The following OGFOD1 variants were observed in gnomAD, a reference collection of about 807,000 sequenced individuals.
OGFOD1 encodes 2-oxoglutarate and iron dependent oxygenase domain containing 1.
In OGFOD1, 54 loss-of-function variants were observed where a neutral mutation model predicts 67.7. That is an observed-to-expected ratio of 0.80 (90% confidence interval 0.64 to 1.00). The LOEUF is 1.00. Among genes scored for constraint, OGFOD1 ranks in the 50% least tolerant of loss-of-function variants. The probability of loss-of-function intolerance (pLI) is 0.00; values close to 1 mark genes in which losing one functional copy is unlikely to be tolerated. For synonymous variants in OGFOD1, 221 were observed against 227.0 expected (o/e 0.97, Z 0.24); for missense variants, 606 against 646.7 (o/e 0.94, Z 0.68).
At chr16:56,471,626 AC>A (rs1963190141) in intron 10 of OGFOD1, among the ~76,000 whole-genome samples, 2 of 152,338 alleles carry the variant, frequency 1.3e-5, no homozygotes, top group South Asian at 4.1e-4. Context: ...TTTCTTGAGA[AC>A]CCTGTGCAGT....
rs112964208 is a variant in OGFOD1 at position 56,458,830 on chromosome 16, A to G, written c.347+236A>G. 2.0e-4 allele frequency: 100 copies of G among 492,378 alleles called. 2 individuals carry two copies. Among genetic ancestry groups the G allele is most frequent in the African/African-American group, 1.7e-3 (87 of 51,638 alleles). The allele number at this position is 492,378 out of a possible 1,614,324, so 30.5% of individuals were successfully genotyped here. A position where few individuals can be genotyped will look rare whatever the true frequency, so the allele number is the denominator to read the frequency against. On this transcript the variant is annotated intron_variant, in intron 3 of 12. Coordinates refer to ENST00000566157, the MANE Select transcript of OGFOD1 (RefSeq NM_018233.4). ...CAAGTTCTCAGTGATAAAATGCTCA[A>G]TCTTGTTAGTAATCAAGGAAACAGA... is the stretch of plus-strand genomic sequence containing the variant.
intron 8 of OGFOD1, 28 bp from the exon 9 acceptor site, chr16:56,469,975 A>G (rs751961610): frequency 1.9e-6 from 3 of 1,606,800 alleles, no homozygotes; most frequent in South Asian, 2.2e-5. Context: ...AGATCTGCTG[A>G]ATGCTTCTTT....
chr16:56,458,557 T>A lies in OGFOD1; in HGVS notation c.310T>A (p.Leu104Met), dbSNP rs144257152. The change falls in exon 3 of 13, where the codon TTG (leucine) becomes ATG (methionine). Residue 104 changes from leucine to methionine, a missense_variant. Physicochemically the swap from Leu to Met is conservative, Grantham distance 15. Transcript: ENST00000566157. ...TATTTTCATGATCAAGTCTGATGAT[T>A]TGAAGAAGAGAAGAGAGCCTCACAT... ...DLYKFQQSDD[L>M]KKRREPHIST... 3.9e-4 allele frequency: 633 copies of A among 1,613,520 alleles called. No homozygotes were observed. The highest frequency in any genetic ancestry group is 5.1e-4 in the Non-Finnish European group (603 of 1,179,562).
chr16:56,466,143 C>T lies in OGFOD1; in HGVS notation c.449-9C>T, dbSNP rs756524274. Reference sequence around the variant, plus strand: ...GCAGGGATCTAAGGTGTCCATTAAACTATTGCAGATGCCCTGCTGTGCCAT... The same window carrying T: ...GCAGGGATCTAAGGTGTCCATTAAATTATTGCAGATGCCCTGCTGTGCCAT... On this transcript the variant is annotated splice_polypyrimidine_tract_variant and intron_variant, in intron 4 of 12. Coordinates refer to ENST00000566157, the MANE Select transcript of OGFOD1 (RefSeq NM_018233.4). 2.6e-5 allele frequency: 42 copies of T among 1,607,042 alleles called. No individual in the cohort carries two copies. The highest frequency in any genetic ancestry group is 3.5e-5 in the Non-Finnish European group (41 of 1,173,658).
chr16:56,470,526 A>G lies in OGFOD1; in HGVS notation c.1020A>G (p.Ile340Met). ...EKAEESKLPE[I>M]LKECMKLFRS... The stretch of plus-strand genomic sequence containing the variant: ...CTGAGGAGAGTAAGCTTCCTGAGAT[A>G]TTGAAGGAGTGCATGAAGTTATTTC... Residue 340 changes from isoleucine (I) to methionine (M), a missense_variant, in exon 10 of 13, where the codon ATA becomes ATG. Transcript: ENST00000566157. The G allele has an allele frequency of 6.2e-7, 1 of 1,613,886 alleles. No homozygotes were observed. Among genetic ancestry groups the G allele is most frequent in the Non-Finnish European group, 8.5e-7 (1 of 1,179,970 alleles).
chr16:56,476,180 A>C lies in OGFOD1; in HGVS notation c.1604A>C (p.Asp535Ala). 6.2e-7 allele frequency: 1 copy of C among 1,612,288 alleles called. No individual in the cohort carries two copies. Among genetic ancestry groups the C allele is most frequent in the Non-Finnish European group, 8.5e-7 (1 of 1,179,860 alleles). Reference protein sequence around the residue: ...KTFPNRTGFWDFSFIYYE With the variant: ...KTFPNRTGFWAFSFIYYE ...TTCCCAAACAGAACAGGTTTCTGGG[A>C]CTTTTCATTCATCTATTATGAATGA... The change falls in exon 13 of 13, where the codon GAC (aspartate) becomes GCC (alanine). Residue 535 changes from aspartate to alanine, a missense_variant. Physicochemically the swap from Asp to Ala is moderately radical, Grantham distance 126 (BLOSUM62 -2). Transcript: ENST00000566157.
In OGFOD1 at chr16:56,470,667, C is replaced by A; in HGVS notation, c.1161C>A (p.Ile387=). Reference sequence around the variant, plus strand: ...AAAAAGAGGCAGAAACCACTGATATCACTGAAGAAGGGACTAGCCATAGTC... The same window carrying A: ...AAAAAGAGGCAGAAACCACTGATATAACTGAAGAAGGGACTAGCCATAGTC... ...NDKKEAETTD[I]TEEGTSHSPP... is the part of the protein sequence containing the mutation. The change falls in exon 10 of 13, where the codon ATC becomes ATA. Residue 387 remains isoleucine, a synonymous_variant. Transcript: ENST00000566157. 6.2e-7 allele frequency: 1 copy of A among 1,614,136 alleles called. No individual in the cohort carries two copies.
chr16:56,453,245 A>G lies in OGFOD1; in HGVS notation c.155-18A>G, dbSNP rs1168797015. On this transcript the variant is annotated intron_variant, in intron 1 of 12. Transcript: ENST00000566157. ...TACAAAAGGAAAAAAGCCATAGATA[A>G]TGTTTTTCTTCCAACAGAAGTCATT... The G allele has an allele frequency of 2.5e-6, 4 of 1,599,694 alleles. No individual in the cohort carries two copies. In the Admixed American group the frequency reaches 7.1e-5, roughly 29 times the overall value.
intron 7 of OGFOD1, 137 bp downstream of exon 7, chr16:56,467,430 C>CTT (rs375009247): frequency 1.5e-3 from 1,158 of 750,254 alleles, no homozygotes; most frequent in South Asian, 2.6e-3. Flanking sequence ...TTTTTTCTTC[C>CTT]TTTTTTTTTT....
intron 4 of OGFOD1, among the ~76,000 whole-genome samples, chr16:56,463,389 T>G (rs1175652554): frequency 8.9e-6 from 1 of 112,970 alleles, no homozygotes; most frequent in African/African-American, 3.2e-5. Flanking sequence ...TTTGGGTTTT[T>G]TTTTTTTTTT....
intron 8 of OGFOD1, among the ~76,000 whole-genome samples, chr16:56,468,840 CTG>C (rs1963020053): frequency 6.6e-6 from 1 of 152,098 alleles, no homozygotes; most frequent in East Asian, 1.9e-4. Context: ...TTCAGTTAAA[CTG>C]GGATTCATAC....
chr16:56,467,241 C>T lies in OGFOD1; in HGVS notation c.734C>T (p.Pro245Leu), dbSNP rs1962941221. 1.9e-6 allele frequency: 3 copies of T among 1,614,088 alleles called. No individual in the cohort carries two copies. The highest frequency in any genetic ancestry group is 2.5e-6 in the Non-Finnish European group (3 of 1,180,026). Reference sequence around the variant, plus strand: ...TTTCATGGTCCATCATTGACTCGGCCTCCCAACTACTTTGAACCCCCCATA... The same window carrying T: ...TTTCATGGTCCATCATTGACTCGGCTTCCCAACTACTTTGAACCCCCCATA... ...GWFHGPSLTRPPNYFEPPIPR... is the reference protein window; with the variant it reads ...GWFHGPSLTRLPNYFEPPIPR... The change falls in exon 7 of 13, where the codon CCT (proline) becomes CTT (leucine). Residue 245 changes from proline to leucine, a missense_variant. By Grantham distance (98) the Pro-to-Leu change is moderately conservative (BLOSUM62 -3). Transcript: ENST00000566157.
chr16:56,464,890 A>C (rs1213852263), intron 4 of OGFOD1, among the ~76,000 whole-genome samples: 3 of 152,118 alleles, frequency 2.0e-5, no homozygotes, highest in Admixed American at 2.0e-4. Flanking sequence ...TGTCTTTGCT[A>C]TTAGGGTGTC....
intron 10 of OGFOD1, among the ~76,000 whole-genome samples, chr16:56,474,034 C>G (rs1050115657): frequency 4.6e-5 from 7 of 152,120 alleles, no homozygotes; most frequent in Admixed American, 1.3e-4. Flanking sequence ...GTCTTGAACT[C>G]CTGACCTCAG....
At chr16:56,467,848 G>C in intron 7 of OGFOD1, 57 bp from the exon 8 acceptor site, 1 of 842,130 alleles carries the variant, frequency 1.2e-6, no homozygotes, top group Non-Finnish European at 2.1e-6. Flanking sequence ...AATGATGTAA[G>C]AGCAAAAGCA....
intron 4 of OGFOD1, among the ~76,000 whole-genome samples, chr16:56,463,384 G>GGTTTTTTT (rs1962783419): frequency 2.3e-5 from 1 of 43,784 alleles, no homozygotes; most frequent in African/African-American, 1.0e-4. Flanking sequence ...TCTTTTTTGG[G>GGTTTTTTT]TTTTTTTTTT....
In OGFOD1 at chr16:56,477,298, T is replaced by C. The variant is rs1445545763; in HGVS notation, c.*1093T>C. 1 of 152,296 alleles carries C rather than the reference T, an allele frequency of 6.6e-6. No homozygotes were observed. Among genetic ancestry groups the C allele is most frequent in the African/African-American group, 2.4e-5 (1 of 41,478 alleles). 9.4% of individuals were successfully genotyped at this position (152,296 alleles called of 1,614,324 possible). ...CACTGCCTGTGGCCTTGTTCCACCA[T>C]GACTCTCACAGTACAGTGTAGGCTT... is the stretch of plus-strand genomic sequence containing the variant. On this transcript the variant is annotated 3_prime_UTR_variant, in exon 13 of 13. Coordinates refer to ENST00000566157, the MANE Select transcript of OGFOD1 (RefSeq NM_018233.4).
In OGFOD1 at chr16:56,475,582, A is replaced by G. The variant is rs1350901999; in HGVS notation, c.1467+17A>G. ...GATGAAGAGGTAAGTTTCTTCTGAT[A>G]GCAAACTATCATTTTTAGTTATTGA... is the stretch of plus-strand genomic sequence containing the variant. On this transcript the variant is annotated intron_variant, in intron 12 of 12. Transcript: ENST00000566157. 6.2e-7 allele frequency: 1 copy of G among 1,609,886 alleles called. No homozygotes were observed. The highest frequency in any genetic ancestry group is 1.1e-5 in the South Asian group (1 of 90,972).
chr16:56,469,547 G>A (rs1487941005), intron 8 of OGFOD1, among the ~76,000 whole-genome samples: 1 of 152,040 alleles, frequency 6.6e-6, no homozygotes, highest in Non-Finnish European at 1.5e-5. Context: ...AGGAGTAGGG[G>A]ATCTTGTATG....
Sources: gnomAD v4.1 joint callset for allele counts (sites outside exome capture counted in the v4.1 genomes callset) on GRCh38, gnomAD v4.1.1 for gene constraint, MANE v1.5 for transcripts, NCBI Gene and HGNC (gene_info 2026-07-23, HGNC 2026-07-21) for gene names.